CDH12: variants seen among roughly 807,000 people sequenced by gnomAD.
CDH12 encodes the protein cadherin 12, also known as cadherin-12.
Under a neutral mutation model 74.1 loss-of-function variants are expected in CDH12, and 41 were observed. The ratio of observed to expected loss-of-function variants is 0.55; its 90% confidence interval spans 0.43 to 0.72. The LOEUF is 0.72. Ranked by LOEUF, CDH12 falls within the 30% of genes least tolerant of loss-of-function variation. The pLI is 0.00. For missense variants in CDH12, 945 were observed against 977.2 expected (o/e 0.97, Z 0.44); for synonymous variants, 399 against 355.0 (o/e 1.12, Z -1.39).
At chr5:22,129,607 C>T (rs1195720025) in intron 4 of CDH12, among the ~76,000 whole-genome samples, 2 of 152,160 alleles carry the variant, frequency 1.3e-5, no homozygotes, top group East Asian at 1.9e-4. Context: ...ACAAAGATAG[C>T]GGGCATGCTC....
At chr5:22,681,975 A>T (rs1741518278) in intron 1 of CDH12, among the ~76,000 whole-genome samples, 1 of 152,174 alleles carries the variant, frequency 6.6e-6, no homozygotes, top group East Asian at 1.9e-4. Context: ...GGAAAAAAAA[A>T]TCTCTAAGCA....
At chr5:22,306,875 T>C (rs1259636105) in intron 3 of CDH12, among the ~76,000 whole-genome samples, 1 of 152,216 alleles carries the variant, frequency 6.6e-6, no homozygotes, top group African/African-American at 2.4e-5. Flanking sequence ...TTTAAAATCA[T>C]AGCTGTTTTA....
At chr5:22,673,705 C>T (rs983611570) in intron 1 of CDH12, among the ~76,000 whole-genome samples, 1 of 152,058 alleles carries the variant, frequency 6.6e-6, no homozygotes, top group Non-Finnish European at 1.5e-5. Flanking sequence ...TGAATATGAA[C>T]TCAGTCTTCA....
At chr5:22,714,188 A>G (rs930649134) in intron 1 of CDH12, among the ~76,000 whole-genome samples, 2 of 152,006 alleles carry the variant, frequency 1.3e-5, no homozygotes, top group Non-Finnish European at 2.9e-5. Flanking sequence ...CCTCCTCCCT[A>G]GTTTTTGTAT....
chr5:22,189,632 G>A (rs935766169), intron 4 of CDH12, among the ~76,000 whole-genome samples: 19 of 151,978 alleles, frequency 1.3e-4, no homozygotes, highest in African/African-American at 3.9e-4. Context: ...GCCATAAATG[G>A]TTCTAATAAA....
chr5:22,657,200 G>A (rs1740090766), intron 1 of CDH12, among the ~76,000 whole-genome samples: 3 of 152,044 alleles, frequency 2.0e-5, no homozygotes, highest in Non-Finnish European at 4.4e-5. Context: ...ATGCACAAAC[G>A]TGACAAAAAA....
chr5:22,429,215 C>T (rs1437572613), intron 2 of CDH12, among the ~76,000 whole-genome samples: 1 of 151,840 alleles, frequency 6.6e-6, no homozygotes, highest in Admixed American at 6.6e-5. Flanking sequence ...CATGCAGCCC[C>T]CACCCTCCTG....
intron 1 of CDH12, among the ~76,000 whole-genome samples, chr5:22,723,489 A>G (rs772340594): frequency 3.9e-5 from 6 of 152,050 alleles, no homozygotes; most frequent in Non-Finnish European, 8.8e-5. Context: ...ATTAAATGTA[A>G]AGCAGCAGTT....
intron 1 of CDH12, among the ~76,000 whole-genome samples, chr5:22,829,327 T>C (rs1736473808): frequency 6.6e-6 from 1 of 152,238 alleles, no homozygotes; most frequent in African/African-American, 2.4e-5. Context: ...TGCTATCTCA[T>C]ATACTTTACA....
chr5:22,175,603 T>C (rs891427739), intron 4 of CDH12, among the ~76,000 whole-genome samples: 1 of 152,026 alleles, frequency 6.6e-6, no homozygotes, highest in African/African-American at 2.4e-5. Context: ...TTAAAAAGAA[T>C]AGAAAATAAA....
At chr5:22,685,659 G>A (rs538608899) in intron 1 of CDH12, among the ~76,000 whole-genome samples, 10 of 152,284 alleles carry the variant, frequency 6.6e-5, no homozygotes, top group Admixed American at 1.3e-4. Flanking sequence ...CACCGTATGT[G>A]GTCTTTTCTG....
chr5:22,634,565 T>C (rs182084), intron 1 of CDH12, among the ~76,000 whole-genome samples: 84,933 of 151,948 alleles, frequency 0.56, 24,023 homozygotes, highest in East Asian at 0.68. Flanking sequence ...GTATTTGGTG[T>C]TACAACACAA....
chr5:22,165,061 C>T (rs1235715636), intron 4 of CDH12, among the ~76,000 whole-genome samples: 1 of 150,546 alleles, frequency 6.6e-6, no homozygotes, highest in African/African-American at 2.5e-5. Context: ...CACCGCATAA[C>T]AATGTCTCTG....
chr5:22,649,205 C>A (rs1739599207), intron 1 of CDH12, among the ~76,000 whole-genome samples: 2 of 151,958 alleles, frequency 1.3e-5, no homozygotes, highest in Admixed American at 1.3e-4. Flanking sequence ...ATGTACCAGG[C>A]ACTCTGCCAG....
At chr5:22,315,775 G>A (rs1259788389) in intron 3 of CDH12, among the ~76,000 whole-genome samples, 1 of 152,212 alleles carries the variant, frequency 6.6e-6, no homozygotes, top group East Asian at 1.9e-4. Flanking sequence ...CAAGATGGAA[G>A]AGGAACAGGA....
chr5:22,524,290 T>C (rs908515893), intron 1 of CDH12, among the ~76,000 whole-genome samples: 3 of 152,176 alleles, frequency 2.0e-5, no homozygotes, highest in Non-Finnish European at 2.9e-5. Flanking sequence ...CCTGGCCTCA[T>C]TTATAATTTT....
At chr5:22,807,491 A>C (rs936303977) in intron 1 of CDH12, among the ~76,000 whole-genome samples, 1 of 152,220 alleles carries the variant, frequency 6.6e-6, no homozygotes, top group East Asian at 1.9e-4. Context: ...CTACTCCAGT[A>C]TACAGTTATG....
chr5:22,582,913 T>C (rs1315596226), intron 1 of CDH12, among the ~76,000 whole-genome samples: 1 of 152,134 alleles, frequency 6.6e-6, no homozygotes, highest in Non-Finnish European at 1.5e-5. Flanking sequence ...GGGGGATTGA[T>C]ATAAACCCTC....
chr5:22,225,018 ATATT>A (rs1403540690), intron 3 of CDH12, among the ~76,000 whole-genome samples: 1 of 152,006 alleles, frequency 6.6e-6, no homozygotes, highest in African/African-American at 2.4e-5. Context: ...AAATTGATTT[ATATT>A]TATTTTTTTC....
Sources: allele counts gnomAD v4.1 joint callset (sites outside exome capture counted in the v4.1 genomes callset), GRCh38; gene constraint gnomAD v4.1.1; transcripts MANE v1.5; gene names NCBI Gene and HGNC (gene_info 2026-07-23, HGNC 2026-07-21).